Variants in XKR4 observed in about 807,000 individuals in gnomAD.
XKR4 encodes the protein XK related 4, also known as XK-related protein 4.
XKR4 carries 12 observed loss-of-function variants against 53.9 expected under a neutral mutation model. The observed-to-expected ratio is 0.22, with a 90% CI of 0.14 to 0.36. The LOEUF (loss-of-function observed/expected upper bound fraction) is 0.36. XKR4 is among the 10% of genes least tolerant of loss of function. XKR4 has a pLI of 1.00. For missense variants in XKR4, 799 were observed against 859.5 expected (o/e 0.93, Z 0.88); for synonymous variants, 354 against 362.4 (o/e 0.98, Z 0.26).
At chr8:55,373,608 A>G (rs1222459448) in intron 2 of XKR4, among the ~76,000 whole-genome samples, 1 of 152,230 alleles carries the variant, frequency 6.6e-6, no homozygotes, top group Non-Finnish European at 1.5e-5. Flanking sequence ...GCACCTCCAG[A>G]TATTTGTTAT....
At chr8:55,403,828 G>C (rs993865514) in intron 2 of XKR4, among the ~76,000 whole-genome samples, 5 of 152,104 alleles carry the variant, frequency 3.3e-5, no homozygotes, top group African/African-American at 1.2e-4. Flanking sequence ...AACTTTAGTA[G>C]TTAGCAACAA....
At chr8:55,355,434 G>T (rs1803784043) in intron 1 of XKR4, among the ~76,000 whole-genome samples, 2 of 152,072 alleles carry the variant, frequency 1.3e-5, no homozygotes, top group Non-Finnish European at 2.9e-5. Flanking sequence ...CAAAGCAATG[G>T]ATTAGAAAAA....
chr8:55,369,534 A>G (rs1804042630), intron 2 of XKR4, among the ~76,000 whole-genome samples: 1 of 125,450 alleles, frequency 8.0e-6, no homozygotes, highest in Non-Finnish European at 1.6e-5. Context: ...GGAAGGAAGG[A>G]GAAAGAGAGA....
chr8:55,463,603 G>C (rs1383243109), intron 2 of XKR4, among the ~76,000 whole-genome samples: 2 of 152,048 alleles, frequency 1.3e-5, no homozygotes, highest in South Asian at 2.1e-4. Context: ...AAAGCTAGCA[G>C]AAGGCAAGAA....
At chr8:55,139,557 C>A (rs182208893) in intron 1 of XKR4, among the ~76,000 whole-genome samples, 20 of 148,076 alleles carry the variant, frequency 1.4e-4, no homozygotes, top group African/African-American at 5.0e-4. Flanking sequence ...TTGGCCCTAA[C>A]GGAAATAGGG....
chr8:55,162,571 G>A (rs1415170866), intron 1 of XKR4, among the ~76,000 whole-genome samples: 1 of 152,152 alleles, frequency 6.6e-6, no homozygotes, highest in African/African-American at 2.4e-5. Flanking sequence ...GTACATACTA[G>A]TCGTTGAATA....
intron 1 of XKR4, among the ~76,000 whole-genome samples, chr8:55,312,452 T>C (rs1023707743): frequency 2.6e-5 from 4 of 152,222 alleles, no homozygotes; most frequent in African/African-American, 9.6e-5. Context: ...TTTAAGAAGT[T>C]GATACAAACC....
chr8:55,131,878 C>T (rs1816559770), intron 1 of XKR4, among the ~76,000 whole-genome samples: 1 of 152,160 alleles, frequency 6.6e-6, no homozygotes. Context: ...GCCCAGCCTC[C>T]CTAATATTTG....
intron 1 of XKR4, among the ~76,000 whole-genome samples, chr8:55,341,462 G>A (rs1318308624): frequency 6.6e-6 from 1 of 152,158 alleles, no homozygotes; most frequent in Non-Finnish European, 1.5e-5. Context: ...AGGACCACAG[G>A]CAGAGACATG....
chr8:55,539,872 T>TG lies in XKR4; in HGVS notation c.*15648dup, dbSNP rs1807077107. 1 of 152,102 alleles carries TG rather than the reference T, an allele frequency of 6.6e-6. No individual in the cohort carries two copies. The highest frequency in any genetic ancestry group is 1.5e-5 in the Non-Finnish European group (1 of 68,032). 9.4% of individuals were successfully genotyped at this position (152,102 alleles called of 1,614,324 possible). On this transcript the variant is annotated 3_prime_UTR_variant, in exon 3 of 3. Coordinates refer to ENST00000327381, the MANE Select transcript of XKR4 (RefSeq NM_052898.2). ...AGATTCACAGGTGGGGTGACCAGGA[T>TG]GGGAGGAAAATAGTGGGGCGAGTAT...
intron 1 of XKR4, among the ~76,000 whole-genome samples, chr8:55,213,856 CTTTTTTTT>C (rs11433893): frequency 3.6e-4 from 30 of 82,346 alleles, no homozygotes; most frequent in African/African-American, 8.5e-4. Flanking sequence ...TTCTTTCTTT[CTTTTTTTT>C]TTTTTTTTTT....
chr8:55,255,682 A>T (rs1400466200), intron 1 of XKR4, among the ~76,000 whole-genome samples: 1 of 152,206 alleles, frequency 6.6e-6, no homozygotes, highest in Non-Finnish European at 1.5e-5. Flanking sequence ...AATTAAACAT[A>T]AAAGTAAGCC....
At position 55,446,284 on chromosome 8, in the gene XKR4, G is replaced by C. The variant is rs546251168; in HGVS notation, c.1007-76997G>C. Among the ~76,000 whole-genome samples the C allele has an allele frequency of 1.1e-3, 170 of 152,260 alleles. 1 individual carries two copies. Among genetic ancestry groups the C allele is most frequent in the South Asian group, 2.3e-3 (11 of 4,830 alleles). The stretch of plus-strand genomic sequence containing the variant: ...GCATAACATGGGCTCAACCTCAGCA[G>C]GCACAGCCATTCTGCCAGGGTTTTG... On this transcript the variant is annotated intron_variant, in intron 2 of 2. Transcript: ENST00000327381.
intron 1 of XKR4, among the ~76,000 whole-genome samples, chr8:55,114,505 T>G (rs953537788): frequency 6.6e-6 from 1 of 152,074 alleles, no homozygotes; most frequent in Admixed American, 6.6e-5. Flanking sequence ...TCATCACAAA[T>G]GGGGCCAAAA....
chr8:55,273,004 C>T, intron 1 of XKR4: 2 of 419,482 alleles, frequency 4.8e-6, no homozygotes, highest in Non-Finnish European at 9.4e-6. Context: ...ATGCCTCAGC[C>T]TGTCTCTAAG....
intron 1 of XKR4, among the ~76,000 whole-genome samples, chr8:55,258,492 T>G (rs540909221): frequency 6.6e-6 from 1 of 152,298 alleles, no homozygotes; most frequent in South Asian, 2.1e-4. Context: ...CTATAATCCC[T>G]GGAGACCCTC....
intron 1 of XKR4, among the ~76,000 whole-genome samples, chr8:55,136,150 C>T (rs1445439986): frequency 6.6e-6 from 1 of 152,164 alleles, no homozygotes; most frequent in Non-Finnish European, 1.5e-5. Flanking sequence ...CCTTCGCCTC[C>T]CAAAGTGCTG....
At chr8:55,218,069 A>G (rs776279204) in intron 1 of XKR4, among the ~76,000 whole-genome samples, 1 of 152,220 alleles carries the variant, frequency 6.6e-6, no homozygotes, top group Non-Finnish European at 1.5e-5. Context: ...GAGAAAGGGA[A>G]CTGTGGGCCA....
intron 1 of XKR4, among the ~76,000 whole-genome samples, chr8:55,302,263 C>T (rs1426146626): frequency 6.6e-6 from 1 of 152,184 alleles, no homozygotes; most frequent in Non-Finnish European, 1.5e-5. Flanking sequence ...ATCCTTTCCC[C>T]ATTTCTTGTT....
Sources: allele counts gnomAD v4.1 joint callset (sites outside exome capture counted in the v4.1 genomes callset), GRCh38; gene constraint gnomAD v4.1.1; transcripts MANE v1.5; gene names NCBI Gene and HGNC (gene_info 2026-07-23, HGNC 2026-07-21).